The following SCT variants were observed in gnomAD, a reference collection of about 807,000 sequenced individuals.
SCT encodes the protein prepro-secretin.
In SCT, 17 loss-of-function variants were observed where a neutral mutation model predicts 10.9. The ratio of observed to expected loss-of-function variants is 1.55; its 90% CI spans 1.06 to 2.33. The LOEUF is 2.33. Among genes scored for constraint, SCT ranks in the 30% most tolerant of loss-of-function variants. SCT has a pLI of 0.00. For missense variants in SCT, 230 were observed against 165.9 expected, an observed-to-expected ratio of 1.39 and a Z score of -2.12; for synonymous variants, 96 against 73.9, an observed-to-expected ratio of 1.30 and a Z score of -1.54.
At position 627,159 on chromosome 11, in the gene SCT, C is replaced by T; in HGVS notation, c.-16G>A. On this transcript the variant is annotated 5_prime_UTR_variant, in exon 1 of 4. Transcript: ENST00000176195. ...GGGGGGCCATGGCGGGGTCGGGGCG[C>T]AGGAGCTGAGCGCTGCGGCCACGGC... The T allele has an allele frequency of 9.3e-7, 1 of 1,079,544 alleles. No individual in the cohort carries two copies. Among genetic ancestry groups the T allele is most frequent in the African/African-American group, 1.7e-5 (1 of 59,436 alleles). The allele number at this position is 1,079,544 out of a possible 1,614,324, so 66.9% of individuals were successfully genotyped here. A position where few individuals can be genotyped will look rare whatever the true frequency, so the allele number is the denominator to read the frequency against.
rs1487725004 is a variant in SCT at position 626,903 on chromosome 11, A to G, written c.158T>C (p.Leu53Pro). 1 of 1,541,312 alleles carries G rather than the reference A, an allele frequency of 6.5e-7. No homozygotes were observed. The change falls in exon 2 of 4, where the codon CTG becomes CCG. Residue 53 changes from leucine to proline, a missense_variant. Leu to Pro is a moderately conservative substitution (Grantham distance 98). Transcript: ENST00000176195. ...CCGGCCTCACCTGCGCTTCCCCACCAGGCCCTGTAGCAGCCGCTGGAGCCG... is the reference window on the plus strand; with the variant it reads ...CCGGCCTCACCTGCGCTTCCCCACCGGGCCCTGTAGCAGCCGCTGGAGCCG... ...GARLQRLLQGLVGKRSEQDAE... is the reference protein window; with the variant it reads ...GARLQRLLQGPVGKRSEQDAE...
rs201054609 is a variant in SCT at position 626,738 on chromosome 11, C to G, written c.225G>C (p.Leu75=). 3.2e-6 allele frequency: 5 copies of G among 1,550,532 alleles called. No homozygotes were observed. In the African/African-American group the frequency reaches 6.8e-5, roughly 21 times the overall value. Residue 75 remains leucine (L), a synonymous_variant, in exon 3 of 4, where the codon CTG becomes CTC. Coordinates refer to ENST00000176195, the MANE Select transcript of SCT (RefSeq NM_021920.4). ...GCATGTTGGACCCTGACGGGCAGAG[C>G]AGACCCGCGCTGAGCCTGGTCCAGG... The part of the protein sequence containing the change: ...SMAWTRLSAG[L]LCPSGSNMPI...
chr11:627,024 T>TGGGGGCGGGTGGGGCCCG (rs1307759193), intron 1 of SCT, 35 bp from the exon 2 acceptor site: 2 of 234,452 alleles, frequency 8.5e-6, no homozygotes, highest in Admixed American at 6.8e-5. Context: ...CAGGGCGCAC[T>TGGGGGCGGGTGGGGCCCG]GGGGGCGGGT....
In SCT at chr11:626,378, C is replaced by A; in HGVS notation, c.*53G>T. On this transcript the variant is annotated 3_prime_UTR_variant, in exon 4 of 4. Coordinates refer to ENST00000176195, the MANE Select transcript of SCT (RefSeq NM_021920.4). ...CCCCTCTCCCCCATCCTGCCCCCCACCCCAAATGCAGCTGCGCTCCTGGGC... is the reference window on the plus strand; with the variant it reads ...CCCCTCTCCCCCATCCTGCCCCCCAACCCAAATGCAGCTGCGCTCCTGGGC... 7.2e-7 allele frequency: 1 copy of A among 1,386,716 alleles called. No homozygotes were observed. The highest frequency in any genetic ancestry group is 1.0e-6 in the Non-Finnish European group (1 of 1,000,024). The allele number at this position is 1,386,716 out of a possible 1,614,324, so 85.9% of individuals were successfully genotyped here.
rs746353699 is a variant in SCT at position 626,877 on chromosome 11, C to T, written c.173+11G>A. On this transcript the variant is annotated intron_variant, in intron 2 of 3. Coordinates refer to ENST00000176195, the MANE Select transcript of SCT (RefSeq NM_021920.4). ...CACCACGCCAGGACCCCCCACCCCA[C>T]CCGGCCTCACCTGCGCTTCCCCACC... The T allele has an allele frequency of 3.8e-5, 58 of 1,544,586 alleles. 1 individual carries two copies. In the Admixed American group the frequency reaches 7.3e-4, roughly 19 times the overall value.
At position 626,394 on chromosome 11, in the gene SCT, G is replaced by T; in HGVS notation, c.*37C>A. 1 of 1,484,820 alleles carries T rather than the reference G, an allele frequency of 6.7e-7. No individual in the cohort carries two copies. Among genetic ancestry groups the T allele is most frequent in the Non-Finnish European group, 9.2e-7 (1 of 1,088,566 alleles). The allele number at this position is 1,484,820 out of a possible 1,614,324, so 92.0% of individuals were successfully genotyped here. On this transcript the variant is annotated 3_prime_UTR_variant, in exon 4 of 4. Transcript: ENST00000176195. The stretch of plus-strand genomic sequence containing the variant: ...TGCCCCCCACCCCAAATGCAGCTGC[G>T]CTCCTGGGCCGGGCAGGTGGTGAGG...
rs568051865 is a variant in SCT at position 626,930 on chromosome 11, G to A, written c.131C>T (p.Ala44Val). 2 of 1,536,978 alleles carry A rather than the reference G, an allele frequency of 1.3e-6. No individual in the cohort carries two copies. The highest frequency in any genetic ancestry group is 1.2e-5 in the South Asian group (1 of 83,962). Residue 44 changes from alanine to valine, a missense_variant, in exon 2 of 4, where the codon GCG becomes GTG. Ala to Val is a moderately conservative substitution (Grantham distance 64). Transcript: ENST00000176195. ...TSELSRLREGARLQRLLQGLV... is the reference protein window; with the variant it reads ...TSELSRLREGVRLQRLLQGLV... ...GCCCTGTAGCAGCCGCTGGAGCCGC[G>A]CGCCCTCCCGCAGGCGGCTGAGCTC...
Position 626,756 on chromosome 11 carries a change from G to A in SCT, c.207C>T (p.Thr69=), listed in dbSNP as rs966072975. 1.3e-6 allele frequency: 2 copies of A among 1,550,550 alleles called. No homozygotes were observed. The highest frequency in any genetic ancestry group is 2.0e-5 in the Admixed American group (1 of 51,014). The change falls in exon 3 of 4, where the codon ACC becomes ACT. Residue 69 remains threonine (T), a synonymous_variant. Transcript: ENST00000176195. ...GGCAGAGCAGACCCGCGCTGAGCCT[G>A]GTCCAGGCCATGCTGTTCTCTGCGT... ...EQDAENSMAW[T]RLSAGLLCPS...
chr11:627,106 A>T lies in SCT; in HGVS notation c.38T>A (p.Leu13His), dbSNP rs1389798310. The change falls in exon 1 of 4, where the codon CTC becomes CAC. Residue 13 changes from leucine (L) to histidine (H), a missense_variant. By Grantham distance (99) the Leu-to-His change is moderately conservative. Transcript: ENST00000176195. The stretch of plus-strand genomic sequence containing the variant: ...CGCGGGGCGCGCGGCGGAGCCCCCG[A>T]GGAGCAGCAGCAGCAGCAGGAGGGG... ...PRPLLLLLLL[L>H]GGSAARPAPP... 7.6e-6 allele frequency: 8 copies of T among 1,053,998 alleles called. No homozygotes were observed. The highest frequency in any genetic ancestry group is 8.1e-6 in the Non-Finnish European group (7 of 860,040). 65.3% of individuals were successfully genotyped at this position (1,053,998 alleles called of 1,614,324 possible).
At position 626,763 on chromosome 11, in the gene SCT, G is replaced by C; in HGVS notation, c.200C>G (p.Ala67Gly). 1 of 1,550,596 alleles carries C rather than the reference G, an allele frequency of 6.4e-7. No individual in the cohort carries two copies. Among genetic ancestry groups the C allele is most frequent in the Non-Finnish European group, 8.7e-7 (1 of 1,146,794 alleles). Residue 67 changes from alanine (A) to glycine (G), a missense_variant, in exon 3 of 4, where the codon GCC (alanine) becomes GGC (glycine). Ala to Gly is a moderately conservative substitution (Grantham distance 60). Transcript: ENST00000176195. ...CAGACCCGCGCTGAGCCTGGTCCAG[G>C]CCATGCTGTTCTCTGCGTCCTGCTC... ...RSEQDAENSM[A>G]WTRLSAGLLC...
intron 2 of SCT, 38 bp downstream of exon 2, chr11:626,850 G>A (rs545645078): frequency 1.9e-6 from 3 of 1,542,478 alleles, no homozygotes; most frequent in South Asian, 1.2e-5. Context: ...TTGCTGCTGG[G>A]GCACCACGCC....
chr11:626,905 G>T lies in SCT; in HGVS notation c.156C>A (p.Gly52=). 2.6e-6 allele frequency: 4 copies of T among 1,541,402 alleles called. No homozygotes were observed. Among genetic ancestry groups the T allele is most frequent in the Non-Finnish European group, 3.5e-6 (4 of 1,146,190 alleles). Reference sequence around the variant, plus strand: ...GGCCTCACCTGCGCTTCCCCACCAGGCCCTGTAGCAGCCGCTGGAGCCGCG... The same window carrying T: ...GGCCTCACCTGCGCTTCCCCACCAGTCCCTGTAGCAGCCGCTGGAGCCGCG... ...EGARLQRLLQ[G]LVGKRSEQDA... The change falls in exon 2 of 4, where the codon GGC becomes GGA. Residue 52 remains glycine, a synonymous_variant. Coordinates refer to ENST00000176195, the MANE Select transcript of SCT (RefSeq NM_021920.4).
Position 627,151 on chromosome 11 carries a change from T to C in SCT, c.-8A>G. Reference sequence around the variant, plus strand: ...GAGGGGCCGGGGGGCCATGGCGGGGTCGGGGCGCAGGAGCTGAGCGCTGCG... The same window carrying C: ...GAGGGGCCGGGGGGCCATGGCGGGGCCGGGGCGCAGGAGCTGAGCGCTGCG... On this transcript the variant is annotated 5_prime_UTR_variant, in exon 1 of 4. Transcript: ENST00000176195. The C allele has an allele frequency of 5.8e-6, 3 of 517,134 alleles. No individual in the cohort carries two copies. Among genetic ancestry groups the C allele is most frequent in the Non-Finnish European group, 7.7e-6 (3 of 389,194 alleles). The allele number at this position is 517,134 out of a possible 1,614,324, so 32.0% of individuals were successfully genotyped here. A position where few individuals can be genotyped will look rare whatever the true frequency, so the allele number is the denominator to read the frequency against.
At position 627,009 on chromosome 11, in the gene SCT, G is replaced by C. The variant is rs1250942339; in HGVS notation, c.72-20C>G. On this transcript the variant is annotated intron_variant, in intron 1 of 3. Transcript: ENST00000176195. ...CGGGCCCTGCGGGCGGTCGGGGGTCGGGGTCAGGGCGCACTGGGGGCGGGT... is the reference window on the plus strand; with the variant it reads ...CGGGCCCTGCGGGCGGTCGGGGGTCCGGGTCAGGGCGCACTGGGGGCGGGT... The C allele has an allele frequency of 1.3e-6, 2 of 1,496,876 alleles. No individual in the cohort carries two copies. The highest frequency in any genetic ancestry group is 8.9e-7 in the Non-Finnish European group (1 of 1,126,448). 92.7% of individuals were successfully genotyped at this position (1,496,876 alleles called of 1,614,324 possible).
At chr11:626,818 C>A (rs200798676) in intron 2 of SCT, 29 bp from the exon 3 acceptor site, 9 of 1,547,628 alleles carry the variant, frequency 5.8e-6, no homozygotes, top group Non-Finnish European at 7.9e-6. Context: ...CAGAGTTAGT[C>A]CTGGAGCTGG....
At chr11:626,828 G>C (rs1304715969) in intron 2 of SCT, 39 bp from the exon 3 acceptor site, 1 of 1,546,372 alleles carries the variant, frequency 6.5e-7, no homozygotes. Context: ...CCTGGAGCTG[G>C]GGGGTCGCGC....
rs1274162646 is a variant in SCT, at chr11:627,092, C to T, written c.52G>A (p.Ala18Thr). Residue 18 changes from alanine to threonine, a missense_variant, in exon 1 of 4, where the codon GCG becomes ACG. Transcript: ENST00000176195. ...GCTCACCTGGGGGGCGCGGGGCGCG[C>T]GGCGGAGCCCCCGAGGAGCAGCAGC... ...LLLLLLGGSA[A>T]RPAPPRARRH... The T allele has an allele frequency of 9.1e-6, 10 of 1,104,916 alleles. No homozygotes were observed. The highest frequency in any genetic ancestry group is 4.4e-5 in the South Asian group (1 of 22,586). The allele number at this position is 1,104,916 out of a possible 1,614,324, so 68.4% of individuals were successfully genotyped here.
Position 626,760 on chromosome 11 carries a change from C to T in SCT, c.203G>A (p.Trp68Ter), listed in dbSNP as rs1009946704. 37 of 1,550,656 alleles carry T rather than the reference C, an allele frequency of 2.4e-5. No homozygotes were observed. The highest frequency in any genetic ancestry group is 1.9e-4 in the African/African-American group (14 of 73,180). Residue 68 changes from tryptophan (W) to a stop codon, truncating the protein, a stop_gained, in exon 3 of 4, where the codon TGG becomes TAG. Coordinates refer to ENST00000176195, the MANE Select transcript of SCT (RefSeq NM_021920.4). LOFTEE classifies it high-confidence loss of function. ...SEQDAENSMAWTRLSAGLLCP... is the reference protein window; with the variant it reads ...SEQDAENSMA ...GAGCAGACCCGCGCTGAGCCTGGTC[C>T]AGGCCATGCTGTTCTCTGCGTCCTG... is the stretch of plus-strand genomic sequence containing the variant.
intron 3 of SCT, 72 bp from the exon 4 acceptor site, chr11:626,602 C>T (rs1447561170): frequency 6.8e-7 from 1 of 1,472,258 alleles, no homozygotes; most frequent in Non-Finnish European, 9.3e-7. Flanking sequence ...AATTGGGCCT[C>T]CAGTGGCCAC....
Sources: gnomAD v4.1 joint callset for allele counts on GRCh38, gnomAD v4.1.1 for gene constraint, MANE v1.5 for transcripts, NCBI Gene and HGNC (gene_info 2026-07-23, HGNC 2026-07-21) for gene names.